CYP19A1: variants seen among roughly 807,000 people sequenced by gnomAD.
CYP19A1 encodes the protein aromatase.
A neutral mutation model predicts 44.4 loss-of-function variants in CYP19A1; 32 were observed. The ratio of observed to expected loss-of-function variants is 0.72; its 90% CI spans 0.54 to 0.97. The LOEUF is 0.97. Among genes scored for constraint, CYP19A1 ranks in the 50% least tolerant of loss-of-function variants. CYP19A1 has a pLI of 0.00. For synonymous variants in CYP19A1, 212 were observed against 215.6 expected, an observed-to-expected ratio of 0.98 and a Z score of 0.14; for missense variants, 598 against 637.8, an observed-to-expected ratio of 0.94 and a Z score of 0.67.
At chr15:51,320,397 A>G (rs2036507098) in intron 1 of CYP19A1, 1 of 152,356 alleles carries the variant, frequency 6.6e-6, no homozygotes, top group South Asian at 2.1e-4. Flanking sequence ...ACAGGATACA[A>G]TGGCATTGCC....
intron 1 of CYP19A1, among the ~76,000 whole-genome samples, chr15:51,293,133 G>A (rs372943992): frequency 6.6e-6 from 1 of 151,992 alleles, no homozygotes; most frequent in East Asian, 1.9e-4. Context: ...AGGGGGTGAG[G>A]GACAAAATAA....
In CYP19A1 at chr15:51,210,720, G is replaced by A. The variant is rs2141029404; in HGVS notation, c.*88C>T. Reference sequence around the variant, plus strand: ...TGCCATGGGCCACTGAGTGTTCACTGTGAGGATGACACTATTGGCAAGGAT... The same window carrying A: ...TGCCATGGGCCACTGAGTGTTCACTATGAGGATGACACTATTGGCAAGGAT... On this transcript the variant is annotated 3_prime_UTR_variant, in exon 10 of 10. Transcript: ENST00000396402. 4 of 901,288 alleles carry A rather than the reference G, an allele frequency of 4.4e-6. No homozygotes were observed. The highest frequency in any genetic ancestry group is 7.6e-6 in the Non-Finnish European group (4 of 529,750). 55.8% of individuals were successfully genotyped at this position (901,288 alleles called of 1,614,324 possible).
intron 1 of CYP19A1, among the ~76,000 whole-genome samples, chr15:51,264,171 G>T (rs2140940603): frequency 6.6e-6 from 1 of 152,296 alleles, no homozygotes; most frequent in African/African-American, 2.4e-5. Context: ...TTGAGCAAGG[G>T]AGCTGGAGGG....
intron 5 of CYP19A1, among the ~76,000 whole-genome samples, chr15:51,219,426 A>G (rs192776602): frequency 1.3e-5 from 2 of 152,366 alleles, no homozygotes; most frequent in Admixed American, 1.3e-4. Flanking sequence ...TCACCATGCT[A>G]GGCACTTTGT....
Position 51,278,515 on chromosome 15 carries a change from G to A in CYP19A1, c.-38-35565C>T, listed in dbSNP as rs150453913. The stretch of plus-strand genomic sequence containing the variant: ...TCCCAGGAAAACTTGAATGCAGGGT[G>A]GAGTATGAAGATGTGGGAATTGTGG... On this transcript the variant is annotated intron_variant, in intron 1 of 9. Coordinates refer to ENST00000396402, the MANE Select transcript of CYP19A1 (RefSeq NM_000103.4). Among the ~76,000 whole-genome samples the A allele has an allele frequency of 1.2e-3, 182 of 152,296 alleles. 1 individual carries two copies. Among genetic ancestry groups the A allele is most frequent in the African/African-American group, 3.0e-3 (124 of 41,550 alleles).
intron 1 of CYP19A1, among the ~76,000 whole-genome samples, chr15:51,264,845 G>C (rs1458932634): frequency 6.6e-6 from 1 of 152,166 alleles, no homozygotes. Context: ...ACTTCATAGA[G>C]ATCAAGACCA....
At chr15:51,238,050 T>A (rs1372833462) in intron 2 of CYP19A1, among the ~76,000 whole-genome samples, 1 of 152,244 alleles carries the variant, frequency 6.6e-6, no homozygotes, top group Non-Finnish European at 1.5e-5. Context: ...TCATCTGAAT[T>A]GGATGTTTAA....
Position 51,238,071 on chromosome 15 carries a change from A to C in CYP19A1, c.146-1062T>G, listed in dbSNP as rs981631918. Among the ~76,000 whole-genome samples the C allele has an allele frequency of 7.2e-5, 11 of 152,242 alleles. 1 individual carries two copies. Among genetic ancestry groups the C allele is most frequent in the Admixed American group, 6.5e-4 (10 of 15,292 alleles). On this transcript the variant is annotated intron_variant, in intron 2 of 9. Transcript: ENST00000396402. ...GAATTGGATGTTTAATCCCAAACACAGCAAACAGTGTTTAGTCTTTTACTT... is the reference window on the plus strand; with the variant it reads ...GAATTGGATGTTTAATCCCAAACACCGCAAACAGTGTTTAGTCTTTTACTT...
chr15:51,297,568 C>G (rs2445757), intron 1 of CYP19A1, among the ~76,000 whole-genome samples: 14,440 of 152,016 alleles, frequency 0.095, 782 homozygotes, highest in African/African-American at 0.12. Flanking sequence ...AAGACCCAGG[C>G]TCCCATAAGC....
chr15:51,252,702 G>A (rs2034365814), intron 1 of CYP19A1, among the ~76,000 whole-genome samples: 1 of 152,122 alleles, frequency 6.6e-6, no homozygotes, highest in Non-Finnish European at 1.5e-5. Flanking sequence ...CCAGTGCATG[G>A]AGGGCACACG....
At position 51,274,884 on chromosome 15, in the gene CYP19A1, A is replaced by G. The variant is rs548633023; in HGVS notation, c.-38-31934T>C. The stretch of plus-strand genomic sequence containing the variant: ...GGGGCAACACCATAAGCCAGAGGGG[A>G]CAGCATACCGAAATCCTGCAACGCT... On this transcript the variant is annotated intron_variant, in intron 1 of 9. Coordinates refer to ENST00000396402, the MANE Select transcript of CYP19A1 (RefSeq NM_000103.4). Among the ~76,000 whole-genome samples, 8 of 152,206 alleles carry G rather than the reference A, an allele frequency of 5.3e-5. No individual in the cohort carries two copies. The South Asian group carries it at 1.7e-3, about 32-fold the overall frequency.
Position 51,218,616 on chromosome 15 carries a change from G to A in CYP19A1, c.668C>T (p.Ala223Val), listed in dbSNP as rs1258199833. The A allele has an allele frequency of 6.2e-7, 1 of 1,613,778 alleles. No homozygotes were observed. The highest frequency in any genetic ancestry group is 8.5e-7 in the Non-Finnish European group (1 of 1,179,888). ...IVVKIQGYFD[A>V]WQALLIKPDI... ...TGGTTTGATGAGGAGAGCTTGCCATGCATCAAAATAACCTTGGATTTTAAC... is the reference window on the plus strand; with the variant it reads ...TGGTTTGATGAGGAGAGCTTGCCATACATCAAAATAACCTTGGATTTTAAC... Residue 223 changes from alanine to valine, a missense_variant, in exon 6 of 10, where the codon GCA (alanine) becomes GTA (valine). Coordinates refer to ENST00000396402, the MANE Select transcript of CYP19A1 (RefSeq NM_000103.4).
At chr15:51,300,315 GT>G (rs2036085980) in intron 1 of CYP19A1, among the ~76,000 whole-genome samples, 1 of 152,184 alleles carries the variant, frequency 6.6e-6, no homozygotes, top group Admixed American at 6.5e-5. Context: ...AATTTACTGG[GT>G]TTTATGCTCA....
chr15:51,236,813 C>G (rs992123455), intron 3 of CYP19A1, 46 bp downstream of exon 3: 1 of 1,611,610 alleles, frequency 6.2e-7, no homozygotes, highest in Non-Finnish European at 8.5e-7. Context: ...GGAAAAAACT[C>G]CAGCCTCGAT....
chr15:51,326,245 T>C (rs1168145622), intron 1 of CYP19A1, among the ~76,000 whole-genome samples: 2 of 152,218 alleles, frequency 1.3e-5, no homozygotes, highest in Non-Finnish European at 2.9e-5. Flanking sequence ...TACTGAGCAC[T>C]GTCAGCTTAA....
At chr15:51,261,128 G>A (rs1413987018) in intron 1 of CYP19A1, among the ~76,000 whole-genome samples, 1 of 152,170 alleles carries the variant, frequency 6.6e-6, no homozygotes, top group Non-Finnish European at 1.5e-5. Flanking sequence ...AAGTGCTCAG[G>A]TTCAGCCTAA....
At position 51,264,019 on chromosome 15, in the gene CYP19A1, G is replaced by T. The variant is rs969151720; in HGVS notation, c.-38-21069C>A. Among the ~76,000 whole-genome samples, 12 of 152,178 alleles carry T rather than the reference G, an allele frequency of 7.9e-5. 1 individual carries two copies. The highest frequency in any genetic ancestry group is 2.7e-4 in the African/African-American group (11 of 41,448). On this transcript the variant is annotated intron_variant, in intron 1 of 9. Transcript: ENST00000396402. ...ACAAAGGATTTAGTGGTATTTTTAG[G>T]ACACTGTAGGAAGAACCATGGCCTC... is the stretch of plus-strand genomic sequence containing the variant.
intron 4 of CYP19A1, among the ~76,000 whole-genome samples, chr15:51,226,592 G>T (rs904929150): frequency 3.3e-5 from 5 of 152,196 alleles, no homozygotes; most frequent in African/African-American, 1.2e-4. Context: ...ATGGAAGGCG[G>T]CTACCTAGGT....
At chr15:51,335,546 C>G (rs2036762893) in intron 1 of CYP19A1, among the ~76,000 whole-genome samples, 1 of 152,186 alleles carries the variant, frequency 6.6e-6, no homozygotes, top group Admixed American at 6.5e-5. Context: ...TTCTGTTTTT[C>G]AACTACCTTT....
Sources: gnomAD v4.1 joint callset for allele counts (sites outside exome capture counted in the v4.1 genomes callset) on GRCh38, gnomAD v4.1.1 for gene constraint, MANE v1.5 for transcripts, NCBI Gene and HGNC (gene_info 2026-07-23, HGNC 2026-07-21) for gene names.